Variants in SMIM24 observed in about 807,000 individuals in gnomAD.
SMIM24 encodes small integral membrane protein 24.
SMIM24 carries 6 observed loss-of-function variants against 10.8 expected under a neutral mutation model. The ratio of observed to expected loss-of-function variants is 0.55; its 90% CI spans 0.30 to 1.09. The LOEUF (loss-of-function observed/expected upper bound fraction) is 1.09. Ranked by LOEUF, SMIM24 falls within the 50% of genes least tolerant of loss-of-function variation. SMIM24 has a pLI of 0.06. For missense variants in SMIM24, 151 were observed against 153.4 expected (o/e 0.98, Z 0.08); for synonymous variants, 71 against 62.4 (o/e 1.14, Z -0.65).
rs2082804177 is a variant in SMIM24 at position 3,478,801 on chromosome 19, T to TG, written c.179+16dup. On this transcript the variant is annotated intron_variant, in intron 2 of 3. Coordinates refer to ENST00000215531, the MANE Select transcript of SMIM24 (RefSeq NM_001136503.2). ...GGGCAGGGCTGTGGGGGCAGCGGGG[T>TG]GGGGGCGGGCACCCACCTGGCCTTG... 1.2e-6 allele frequency: 1 copy of TG among 847,886 alleles called. No individual in the cohort carries two copies. Among genetic ancestry groups the TG allele is most frequent in the African/African-American group, 4.3e-5 (1 of 23,384 alleles). 52.5% of individuals were successfully genotyped at this position (847,886 alleles called of 1,614,324 possible).
At chr19:3,476,437 C>A (rs1484328769) in intron 3 of SMIM24, among the ~76,000 whole-genome samples, 1 of 150,942 alleles carries the variant, frequency 6.6e-6, no homozygotes, top group African/African-American at 2.4e-5. Context: ...ACTGCACGGG[C>A]AGACTGATAG....
intron 3 of SMIM24, 103 bp from the exon 4 acceptor site, chr19:3,475,099 G>T: frequency 7.8e-7 from 1 of 1,285,722 alleles, no homozygotes; most frequent in Non-Finnish European, 1.1e-6. Context: ...TTTACAAGCG[G>T]TATCTCAGTG....
chr19:3,480,505 G>A lies in SMIM24; in HGVS notation c.-42C>T. ...AGCAGCCAGCCAGCGGCGGTCCCGG[G>A]TCGGCGTCCACAGGTTTGGTGTGGG... is the stretch of plus-strand genomic sequence containing the variant. On this transcript the variant is annotated 5_prime_UTR_variant, in exon 1 of 4. Coordinates refer to ENST00000215531, the MANE Select transcript of SMIM24 (RefSeq NM_001136503.2). The A allele has an allele frequency of 1.3e-6, 2 of 1,542,456 alleles. No homozygotes were observed. The highest frequency in any genetic ancestry group is 1.8e-6 in the Non-Finnish European group (2 of 1,141,292).
intron 1 of SMIM24, among the ~76,000 whole-genome samples, chr19:3,479,458 G>A (rs2082807820): frequency 6.7e-6 from 1 of 150,178 alleles, no homozygotes. Flanking sequence ...CTTATAAAAG[G>A]AGGCAGAGGC....
chr19:3,475,248 T>G (rs938702789), intron 3 of SMIM24, among the ~76,000 whole-genome samples: 1 of 151,136 alleles, frequency 6.6e-6, no homozygotes, highest in African/African-American at 2.4e-5. Context: ...TGTTGCCTCT[T>G]GGGACTCAGT....
intron 1 of SMIM24, among the ~76,000 whole-genome samples, chr19:3,479,249 G>C (rs980711452): frequency 6.6e-6 from 1 of 151,248 alleles, no homozygotes; most frequent in African/African-American, 2.4e-5. Flanking sequence ...TGCAGGCAGA[G>C]GCTCAGGGGG....
chr19:3,477,296 A>ATGGG (rs1455948718), intron 3 of SMIM24, among the ~76,000 whole-genome samples: 3 of 112,798 alleles, frequency 2.7e-5, no homozygotes, highest in Non-Finnish European at 5.3e-5. Flanking sequence ...GGATGGATGG[A>ATGGG]TGGATGGATG....
rs1373937276 is a variant in SMIM24 at position 3,478,482 on chromosome 19, CAG to C, written c.180-6_180-5del. The C allele has an allele frequency of 5.2e-6, 8 of 1,546,350 alleles. No individual in the cohort carries two copies. In the South Asian group the frequency reaches 8.4e-5, roughly 16 times the overall value. Reference sequence around the variant, plus strand: ...GGTCTCCTCCTCGTCCTCAGCCCTGCAGAGATAAAGGGAAAGGTGGAAGGGGG... The same window carrying C: ...GGTCTCCTCCTCGTCCTCAGCCCTGCAGATAAAGGGAAAGGTGGAAGGGGG... On this transcript the variant is annotated splice_region_variant and splice_polypyrimidine_tract_variant and intron_variant, in intron 2 of 3. Transcript: ENST00000215531.
chr19:3,480,259 G>C (rs954088993), intron 1 of SMIM24, 138 bp downstream of exon 1: 11 of 921,738 alleles, frequency 1.2e-5, no homozygotes, highest in Middle Eastern at 2.6e-4. Flanking sequence ...TACTGCGGGG[G>C]TTGAGAAGGG....
chr19:3,480,003 G>A (rs907151529), intron 1 of SMIM24, among the ~76,000 whole-genome samples: 1 of 149,560 alleles, frequency 6.7e-6, no homozygotes, highest in Middle Eastern at 3.5e-3. Flanking sequence ...GGGGCTTACA[G>A]AGGAGGAGGG....
intron 3 of SMIM24, among the ~76,000 whole-genome samples, chr19:3,476,433 C>A (rs76251737): frequency 2.0e-5 from 3 of 150,872 alleles, no homozygotes; most frequent in Non-Finnish European, 4.4e-5. Flanking sequence ...GAGGACTGCA[C>A]GGGCAGACTG....
intron 3 of SMIM24, 137 bp downstream of exon 3, chr19:3,478,282 G>T: frequency 1.2e-6 from 1 of 805,096 alleles, no homozygotes. Context: ...GGAGCTGCCA[G>T]AAGATACAGG....
chr19:3,478,145 C>G (rs1431565150), intron 3 of SMIM24, among the ~76,000 whole-genome samples: 1 of 152,112 alleles, frequency 6.6e-6, no homozygotes, highest in South Asian at 2.1e-4. Flanking sequence ...CGTAATGTCT[C>G]AAAATTAGTG....
intron 3 of SMIM24, among the ~76,000 whole-genome samples, chr19:3,477,117 T>TGGATGGAA (rs2082795603): frequency 7.8e-6 from 1 of 129,004 alleles, no homozygotes; most frequent in Non-Finnish European, 1.6e-5. Context: ...GATGGATGGA[T>TGGATGGAA]GGATGGATCA....
At chr19:3,479,036 C>A (rs985763312) in intron 1 of SMIM24, 107 bp from the exon 2 acceptor site, 1 of 844,572 alleles carries the variant, frequency 1.2e-6, no homozygotes. Flanking sequence ...GGTGCTCCGA[C>A]AGAGGGGGTA....
chr19:3,476,125 G>A (rs540510471), intron 3 of SMIM24, among the ~76,000 whole-genome samples: 2 of 152,090 alleles, frequency 1.3e-5, no homozygotes, highest in South Asian at 2.1e-4. Flanking sequence ...GAGTAGATAA[G>A]CAGTTGGGTG....
At chr19:3,480,197 G>T (rs576241257) in intron 1 of SMIM24, among the ~76,000 whole-genome samples, 200 bp downstream of exon 1, 1 of 151,934 alleles carries the variant, frequency 6.6e-6, no homozygotes, top group Non-Finnish European at 1.5e-5. Context: ...GGTGGGCGGT[G>T]GGGGGTCCCT....
intron 3 of SMIM24, among the ~76,000 whole-genome samples, chr19:3,475,913 T>C (rs10424228): frequency 0.017 from 2,524 of 151,840 alleles, 75 homozygotes; most frequent in African/African-American, 0.057. Context: ...GATGGGTGGG[T>C]GGATGGATGA....
At chr19:3,480,301 C>G in intron 1 of SMIM24, 96 bp downstream of exon 1, 1 of 1,219,864 alleles carries the variant, frequency 8.2e-7, no homozygotes, top group Non-Finnish European at 1.1e-6. Flanking sequence ...TCTTCCTGCC[C>G]CCTCTCCTTT....
Sources: gnomAD v4.1 joint callset for allele counts (sites outside exome capture counted in the v4.1 genomes callset) on GRCh38, gnomAD v4.1.1 for gene constraint, MANE v1.5 for transcripts, NCBI Gene and HGNC (gene_info 2026-07-23, HGNC 2026-07-21) for gene names.